Variants in TASP1 observed in about 807,000 individuals in gnomAD.
TASP1 encodes threonine aspartase 1.
TASP1 carries 16 observed loss-of-function variants against 56.6 expected under a neutral mutation model. The ratio of observed to expected loss-of-function variants is 0.28; its 90% confidence interval spans 0.19 to 0.43. The LOEUF (loss-of-function observed/expected upper bound fraction) is 0.43, where lower values mean the gene tolerates loss of function less well. Among genes scored for constraint, TASP1 ranks in the 20% least tolerant of loss-of-function variants. The pLI, the probability that TASP1 is intolerant of heterozygous loss-of-function variation, is 1.00. For synonymous variants in TASP1, 179 were observed against 184.2 expected (o/e 0.97, Z 0.23); for missense variants, 393 against 511.6 (o/e 0.77, Z 2.24).
chr20:13,159,621 T>C, the TASP1 span, among the ~76,000 whole-genome samples: 6 of 152,242 alleles, frequency 3.9e-5, no homozygotes, highest in African/African-American at 1.4e-4. Context: ...TGGAATTGCA[T>C]TATAGGAACT....
chr20:13,626,115 G>A (rs2147552582), intron 2 of TASP1, among the ~76,000 whole-genome samples: 1 of 152,268 alleles, frequency 6.6e-6, no homozygotes, highest in East Asian at 1.9e-4. Flanking sequence ...GGGGTCCAAT[G>A]TATGGAAGGT....
At chr20:13,115,760 C>T in the TASP1 span, among the ~76,000 whole-genome samples, 1 of 152,056 alleles carries the variant, frequency 6.6e-6, no homozygotes, top group African/African-American at 2.4e-5. Context: ...AGGGCCGTAA[C>T]GATTCACTAA....
In TASP1 at chr20:13,390,354, G is replaced by A. The variant is rs1157137495; in HGVS notation, c.*6C>T. ...CTCTGAGACGCTTCACACTCAGCCTGAAGGGTCAGTTCACTGGGCTCTCCA... is the reference window on the plus strand; with the variant it reads ...CTCTGAGACGCTTCACACTCAGCCTAAAGGGTCAGTTCACTGGGCTCTCCA... On this transcript the variant is annotated 3_prime_UTR_variant, in exon 14 of 14. Coordinates refer to ENST00000337743, the MANE Select transcript of TASP1 (RefSeq NM_017714.3). 1 of 1,613,730 alleles carries A rather than the reference G, an allele frequency of 6.2e-7. No individual in the cohort carries two copies. Among genetic ancestry groups the A allele is most frequent in the Non-Finnish European group, 8.5e-7 (1 of 1,179,738 alleles).
chr20:13,362,177 G>A, the TASP1 span, among the ~76,000 whole-genome samples: 12 of 149,726 alleles, frequency 8.0e-5, no homozygotes, highest in South Asian at 2.1e-4. Flanking sequence ...AAAAATTTTC[G>A]CCGCCCCAAC....
rs550018280 is a variant in TASP1 at position 13,635,150 on chromosome 20, A to G, written c.-75+3744T>C. Among the ~76,000 whole-genome samples, 4 of 152,342 alleles carry G rather than the reference A, an allele frequency of 2.6e-5. No individual in the cohort carries two copies. In the South Asian group the frequency reaches 8.3e-4, roughly 32 times the overall value. On this transcript the variant is annotated intron_variant, in intron 1 of 13. Coordinates refer to ENST00000337743, the MANE Select transcript of TASP1 (RefSeq NM_017714.3). ...ATGGGTAAATTGATACACTGGGTAC[A>G]TTTTAAATGGGTAAACTGATCTTAT...
chr20:13,417,046 G>A (rs1600725191), intron 13 of TASP1, among the ~76,000 whole-genome samples: 1 of 152,138 alleles, frequency 6.6e-6, no homozygotes, highest in African/African-American at 2.4e-5. Flanking sequence ...TGCTTTCTAG[G>A]GTTAAAGCTT....
the TASP1 span, among the ~76,000 whole-genome samples, chr20:13,203,052 C>T: frequency 6.6e-6 from 1 of 152,134 alleles, no homozygotes; most frequent in Admixed American, 6.5e-5. Context: ...ATGAAAACAT[C>T]TGTTTTATCA....
intron 4 of TASP1, among the ~76,000 whole-genome samples, chr20:13,604,081 C>T (rs77943249): frequency 1.6e-4 from 24 of 152,230 alleles, no homozygotes; most frequent in African/African-American, 5.5e-4. Flanking sequence ...GACTCCTACC[C>T]AGTTTTTTAG....
the TASP1 span, among the ~76,000 whole-genome samples, chr20:13,133,649 G>A: frequency 1.8e-4 from 27 of 152,236 alleles, no homozygotes; most frequent in African/African-American, 5.5e-4. Context: ...CAAGAGAATC[G>A]CTTGAGCCCA....
At chr20:13,198,343 T>G in the TASP1 span, among the ~76,000 whole-genome samples, 2 of 152,136 alleles carry the variant, frequency 1.3e-5, no homozygotes, top group Non-Finnish European at 2.9e-5. Context: ...CAGCTGCAGA[T>G]GGCTGACTTC....
At chr20:13,638,368 C>T (rs183331784) in intron 1 of TASP1, among the ~76,000 whole-genome samples, 38 of 152,124 alleles carry the variant, frequency 2.5e-4, no homozygotes, top group African/African-American at 8.4e-4. Flanking sequence ...GCTTTCCCCC[C>T]CTCCTCTCCA....
At chr20:13,321,253 T>TTTAA in the TASP1 span, among the ~76,000 whole-genome samples, 2 of 57,524 alleles carry the variant, frequency 3.5e-5, no homozygotes, top group African/African-American at 1.5e-4. Context: ...GTGCCCCACA[T>TTTAA]AAAAAAAAAA....
chr20:13,213,173 T>G, the TASP1 span, among the ~76,000 whole-genome samples: 2 of 146,000 alleles, frequency 1.4e-5, no homozygotes, highest in African/African-American at 2.6e-5. Flanking sequence ...TTATTTCAAC[T>G]ACTCTTTAGT....
chr20:13,571,605 T>G (rs751564026), intron 6 of TASP1, among the ~76,000 whole-genome samples: 67 of 152,144 alleles, frequency 4.4e-4, no homozygotes, highest in Non-Finnish European at 8.4e-4. Flanking sequence ...ATGCTTGCCT[T>G]GCCCTGTATT....
At chr20:13,344,915 G>A in the TASP1 span, among the ~76,000 whole-genome samples, 2 of 152,036 alleles carry the variant, frequency 1.3e-5, no homozygotes, top group East Asian at 1.9e-4. Context: ...GAAGCACATC[G>A]AAGGCCCTCA....
chr20:13,221,999 A>G, the TASP1 span: 2 of 1,194,110 alleles, frequency 1.7e-6, no homozygotes, highest in Non-Finnish European at 2.1e-6. Flanking sequence ...GGGTGGATGC[A>G]GGGAGGCAGG....
At chr20:13,467,147 C>T (rs73899303) in intron 11 of TASP1, among the ~76,000 whole-genome samples, 1 of 150,432 alleles carries the variant, frequency 6.6e-6, no homozygotes, top group African/African-American at 2.4e-5. Flanking sequence ...CATTTGAGTT[C>T]TTTCATAGAT....
the TASP1 span, among the ~76,000 whole-genome samples, chr20:13,214,562 CAG>C: frequency 8.1e-3 from 896 of 111,180 alleles, 6 homozygotes; most frequent in African/African-American, 0.017. Context: ...CACACACACA[CAG>C]AGAGAGAGAG....
chr20:13,373,822 A>G, the TASP1 span, among the ~76,000 whole-genome samples: 2 of 152,142 alleles, frequency 1.3e-5, no homozygotes, highest in Admixed American at 6.5e-5. Flanking sequence ...CTATTTCTTC[A>G]AATACTTTTT....
Sources: allele counts gnomAD v4.1 joint callset (sites outside exome capture counted in the v4.1 genomes callset), GRCh38; gene constraint gnomAD v4.1.1; transcripts MANE v1.5; gene names NCBI Gene and HGNC (gene_info 2026-07-23, HGNC 2026-07-21).